Variants in SMYD3 observed in about 807,000 individuals in gnomAD.
SMYD3 encodes the protein SET and MYND domain containing 3, also known as histone-lysine N-methyltransferase SMYD3.
SMYD3 carries 36 observed loss-of-function variants against 57.7 expected under a neutral mutation model. The observed-to-expected ratio is 0.62, with a 90% CI of 0.48 to 0.82. SMYD3 has a LOEUF of 0.82. SMYD3 is among the 40% of genes least tolerant of loss of function. The pLI, the probability that SMYD3 is intolerant of heterozygous loss-of-function variation, is 0.00. For synonymous variants in SMYD3, 211 were observed against 195.0 expected, an observed-to-expected ratio of 1.08 and a Z score of -0.68; for missense variants, 515 against 538.8, an observed-to-expected ratio of 0.96 and a Z score of 0.44.
chr1:245,833,544 C>T (rs1238707950), intron 10 of SMYD3, among the ~76,000 whole-genome samples: 2 of 152,224 alleles, frequency 1.3e-5, no homozygotes, highest in African/African-American at 4.8e-5. Context: ...CTCATTACAT[C>T]CTATCACAGG....
intron 10 of SMYD3, among the ~76,000 whole-genome samples, chr1:245,839,439 G>C (rs1248723379): frequency 6.6e-6 from 1 of 151,724 alleles, no homozygotes; most frequent in Non-Finnish European, 1.5e-5. Flanking sequence ...AAAGTGCTGG[G>C]ATTACAGGCA....
intron 5 of SMYD3, among the ~76,000 whole-genome samples, chr1:246,115,767 AC>A (rs1371732652): frequency 1.3e-5 from 2 of 152,224 alleles, no homozygotes; most frequent in Non-Finnish European, 2.9e-5. Context: ...AATAACAACT[AC>A]CATACAGAGA....
chr1:246,083,091 G>GCCCGACA (rs1558212283), intron 5 of SMYD3, among the ~76,000 whole-genome samples: 1 of 151,894 alleles, frequency 6.6e-6, no homozygotes, highest in Non-Finnish European at 1.5e-5. Context: ...CCGTCCCCCA[G>GCCCGACA]CCCGACACCC....
chr1:246,372,256 C>A (rs1355831610), intron 1 of SMYD3, among the ~76,000 whole-genome samples: 1 of 152,228 alleles, frequency 6.6e-6, no homozygotes, highest in Admixed American at 6.5e-5. Context: ...CCTGCTGACC[C>A]TCCTCTAGTG....
intron 5 of SMYD3, among the ~76,000 whole-genome samples, chr1:246,304,988 G>C (rs888794953): frequency 2.6e-5 from 4 of 152,140 alleles, no homozygotes; most frequent in African/African-American, 9.7e-5. Context: ...ACATATACCT[G>C]CTTGGTCTTA....
At chr1:246,334,289 G>A (rs1022802503) in intron 3 of SMYD3, among the ~76,000 whole-genome samples, 3 of 152,116 alleles carry the variant, frequency 2.0e-5, no homozygotes, top group African/African-American at 7.2e-5. Flanking sequence ...ATTCACAACA[G>A]CAAAGGCATG....
At chr1:246,316,799 T>C (rs1189876095) in intron 5 of SMYD3, among the ~76,000 whole-genome samples, 2 of 150,678 alleles carry the variant, frequency 1.3e-5, no homozygotes, top group Non-Finnish European at 3.0e-5. Flanking sequence ...ATCAAGACCA[T>C]CCTGGCCAAC....
chr1:246,497,864 C>G (rs2068388181), intron 1 of SMYD3, among the ~76,000 whole-genome samples: 1 of 149,030 alleles, frequency 6.7e-6, no homozygotes, highest in Non-Finnish European at 1.5e-5. Flanking sequence ...AGACCCCAGT[C>G]TCTAGAGGAA....
intron 2 of SMYD3, among the ~76,000 whole-genome samples, chr1:246,349,572 C>T (rs1200484581): frequency 2.0e-5 from 3 of 151,336 alleles, no homozygotes; most frequent in Non-Finnish European, 4.4e-5. Context: ...CAGGCCACTG[C>T]ACTCCAGCCT....
At chr1:246,279,205 G>C (rs2064394287) in intron 5 of SMYD3, among the ~76,000 whole-genome samples, 1 of 152,158 alleles carries the variant, frequency 6.6e-6, no homozygotes, top group African/African-American at 2.4e-5. Flanking sequence ...ATCCCAAAGA[G>C]CCACTTAAGC....
At chr1:246,373,339 CAGAT>C (rs1461198635) in intron 1 of SMYD3, among the ~76,000 whole-genome samples, 4 of 152,098 alleles carry the variant, frequency 2.6e-5, no homozygotes, top group Admixed American at 1.3e-4. Flanking sequence ...GACAGACAGA[CAGAT>C]AGGTATGTCA....
At chr1:245,917,917 T>C (rs1318437509) in intron 7 of SMYD3, among the ~76,000 whole-genome samples, 1 of 152,178 alleles carries the variant, frequency 6.6e-6, no homozygotes, top group African/African-American at 2.4e-5. Flanking sequence ...AAGCATCTCA[T>C]GTCTACAAAG....
intron 11 of SMYD3, among the ~76,000 whole-genome samples, chr1:245,755,000 C>T (rs556675158): frequency 1.6e-4 from 25 of 152,138 alleles, no homozygotes; most frequent in African/African-American, 6.0e-4. Context: ...GTGGTAGTAG[C>T]CATTCCAGAA....
intron 8 of SMYD3, among the ~76,000 whole-genome samples, chr1:245,886,926 C>A (rs1471461689): frequency 6.6e-6 from 1 of 152,136 alleles, no homozygotes; most frequent in African/African-American, 2.4e-5. Context: ...CAGCCTTTAT[C>A]CTCCAGCAAT....
chr1:246,279,549 T>A (rs912691661), intron 5 of SMYD3, among the ~76,000 whole-genome samples: 9 of 151,948 alleles, frequency 5.9e-5, no homozygotes. Context: ...AAAAAAAGAT[T>A]GTTGAGACCA....
At chr1:246,204,296 G>A (rs1386958775) in intron 5 of SMYD3, among the ~76,000 whole-genome samples, 1 of 152,000 alleles carries the variant, frequency 6.6e-6, no homozygotes, top group Admixed American at 6.6e-5. Flanking sequence ...AATGAAAACA[G>A]GCTTCTTTGT....
rs1373338617 is a variant in SMYD3, at chr1:245,915,532, T to C, written c.811A>G (p.Lys271Glu). The C allele has an allele frequency of 3.1e-6, 5 of 1,608,484 alleles. No homozygotes were observed. In the Admixed American group the frequency reaches 8.3e-5, roughly 27 times the overall value. ...CDCFRCQTQD[K>E]DADMLTGDEQ... ...CAATCTGGTTCCATACTACATACCT[T>C]GTCCTGGGTTTGGCAACGGAAACAG... The change falls in exon 8 of 12, where the codon AAG becomes GAG. Residue 271 changes from lysine to glutamate, a missense_variant and splice_region_variant. Coordinates refer to ENST00000490107, the MANE Select transcript of SMYD3 (RefSeq NM_001167740.2).
intron 5 of SMYD3, among the ~76,000 whole-genome samples, chr1:246,304,281 T>G (rs2064943404): frequency 6.6e-6 from 1 of 152,162 alleles, no homozygotes; most frequent in African/African-American, 2.4e-5. Context: ...AGTATAAATC[T>G]GTATAAAGCA....
intron 5 of SMYD3, among the ~76,000 whole-genome samples, chr1:245,980,716 C>A (rs1458512058): frequency 1.3e-5 from 2 of 152,198 alleles, no homozygotes; most frequent in Non-Finnish European, 2.9e-5. Context: ...CTGAGAAATG[C>A]ACTTATTCTC....
Sources: gnomAD v4.1 joint callset for allele counts (sites outside exome capture counted in the v4.1 genomes callset) on GRCh38, gnomAD v4.1.1 for gene constraint, MANE v1.5 for transcripts, NCBI Gene and HGNC (gene_info 2026-07-23, HGNC 2026-07-21) for gene names.